Variants in TAGLN3 observed in about 807,000 individuals in gnomAD.
The protein encoded by TAGLN3 is transgelin 3, also known as transgelin-3.
Under a neutral mutation model 25.4 loss-of-function variants are expected in TAGLN3, and 12 were observed. The ratio of observed to expected loss-of-function variants is 0.47; its 90% CI spans 0.30 to 0.77. TAGLN3 has a LOEUF of 0.77. Among genes scored for constraint, TAGLN3 ranks in the 30% least tolerant of loss-of-function variants. The probability of loss-of-function intolerance (pLI) is 0.06; values close to 1 mark genes in which losing one functional copy is unlikely to be tolerated. For synonymous variants in TAGLN3, 96 were observed against 94.8 expected (o/e 1.01, Z -0.08); for missense variants, 218 against 255.8 (o/e 0.85, Z 1.01).
chr3:112,003,916 G>A (rs1240684601), intron 3 of TAGLN3, among the ~76,000 whole-genome samples: 1 of 152,140 alleles, frequency 6.6e-6, no homozygotes, highest in Non-Finnish European at 1.5e-5. Flanking sequence ...TTCTTGTTTA[G>A]GCTTCAATCA....
chr3:112,008,125 C>T (rs2072937427), intron 3 of TAGLN3, among the ~76,000 whole-genome samples: 1 of 152,088 alleles, frequency 6.6e-6, no homozygotes, highest in Non-Finnish European at 1.5e-5. Flanking sequence ...GGAGAATGAC[C>T]TCAAAATGCA....
At chr3:112,009,043 G>A (rs2072948584) in intron 3 of TAGLN3, among the ~76,000 whole-genome samples, 1 of 152,090 alleles carries the variant, frequency 6.6e-6, no homozygotes. Context: ...AGAAAGTAAA[G>A]GTGCCAGGCT....
chr3:112,009,941 A>T (rs576889636), intron 3 of TAGLN3, among the ~76,000 whole-genome samples: 1 of 151,872 alleles, frequency 6.6e-6, no homozygotes, highest in Non-Finnish European at 1.5e-5. Flanking sequence ...CTCTGGGTTC[A>T]TGTAGTAGTC....
intron 1 of TAGLN3, 143 bp downstream of exon 1, chr3:111,999,257 A>T (rs1404350127): frequency 7.0e-6 from 5 of 709,430 alleles, no homozygotes; most frequent in Non-Finnish European, 1.1e-5. Flanking sequence ...GTGAAACCCC[A>T]TTGGCTTCAT....
At chr3:111,999,962 G>A (rs1486308524) in intron 2 of TAGLN3, among the ~76,000 whole-genome samples, 1 of 152,120 alleles carries the variant, frequency 6.6e-6, no homozygotes, top group African/African-American at 2.4e-5. Flanking sequence ...GGATCGTGTT[G>A]GTTACACAGT....
At position 112,013,790 on chromosome 3, in the gene TAGLN3, C is replaced by T. The variant is rs962493220; in HGVS notation, c.*239C>T. ...TCCTGAGCTCCTCGGGCCCCAGAGTCTCTGTTTGATTATTTATTTATTTAT... is the reference window on the plus strand; with the variant it reads ...TCCTGAGCTCCTCGGGCCCCAGAGTTTCTGTTTGATTATTTATTTATTTAT... On this transcript the variant is annotated 3_prime_UTR_variant, in exon 5 of 5. Transcript: ENST00000478951. 1.1e-5 allele frequency: 6 copies of T among 565,616 alleles called. No individual in the cohort carries two copies. In the African/African-American group the frequency reaches 1.2e-4, roughly 11 times the overall value. The allele number at this position is 565,616 out of a possible 1,614,324, so 35.0% of individuals were successfully genotyped here. A position where few individuals can be genotyped will look rare whatever the true frequency, so the allele number is the denominator to read the frequency against.
At chr3:112,008,329 T>C (rs889371848) in intron 3 of TAGLN3, among the ~76,000 whole-genome samples, 8 of 152,176 alleles carry the variant, frequency 5.3e-5, no homozygotes, top group Admixed American at 2.0e-4. Context: ...CTTATTGTTA[T>C]TTAGAGACAG....
chr3:112,001,069 T>C, intron 3 of TAGLN3, 123 bp downstream of exon 3: 1 of 855,868 alleles, frequency 1.2e-6, no homozygotes. Context: ...CTCTCAGCTG[T>C]TATCCTGGGG....
At chr3:112,003,891 G>C (rs561112771) in intron 3 of TAGLN3, among the ~76,000 whole-genome samples, 1 of 152,290 alleles carries the variant, frequency 6.6e-6, no homozygotes, top group African/African-American at 2.4e-5. Flanking sequence ...GAGGAGCCCA[G>C]GCTTGCCAAA....
intron 3 of TAGLN3, among the ~76,000 whole-genome samples, chr3:112,003,547 G>A (rs2072886290): frequency 6.6e-6 from 1 of 152,170 alleles, no homozygotes; most frequent in Admixed American, 6.5e-5. Flanking sequence ...GGGGGTACAT[G>A]TTTGTGCACA....
intron 2 of TAGLN3, among the ~76,000 whole-genome samples, chr3:112,000,034 TG>T (rs1387670257): frequency 7.2e-5 from 11 of 152,302 alleles, no homozygotes; most frequent in Non-Finnish European, 1.0e-4. Context: ...CCATGCACCC[TG>T]GAAGTGTTCA....
intron 3 of TAGLN3, among the ~76,000 whole-genome samples, chr3:112,006,014 C>T (rs1271537608): frequency 2.0e-5 from 3 of 152,042 alleles, no homozygotes; most frequent in African/African-American, 4.8e-5. Context: ...CCACCTCGGC[C>T]TCCCAAAGTG....
chr3:111,999,250 A>G, intron 1 of TAGLN3, 136 bp downstream of exon 1: 1 of 672,868 alleles, frequency 1.5e-6, no homozygotes, highest in South Asian at 2.2e-5. Flanking sequence ...TTTGTAGGTG[A>G]AACCCCATTG....
At chr3:111,999,644 G>T (rs922741612) in intron 2 of TAGLN3, 42 bp downstream of exon 2, 2 of 1,603,158 alleles carry the variant, frequency 1.2e-6, no homozygotes, top group African/African-American at 2.7e-5. Flanking sequence ...CGGTGGGCAG[G>T]GAAACCCTCC....
At chr3:112,005,255 C>T (rs1049081979) in intron 3 of TAGLN3, among the ~76,000 whole-genome samples, 13 of 152,202 alleles carry the variant, frequency 8.5e-5, no homozygotes, top group Non-Finnish European at 1.8e-4. Context: ...CAGTGCCTGG[C>T]TACCAGACAC....
chr3:112,006,738 GC>G (rs1439847266), intron 3 of TAGLN3, among the ~76,000 whole-genome samples: 1 of 151,996 alleles, frequency 6.6e-6, no homozygotes, highest in Non-Finnish European at 1.5e-5. Context: ...TTTTTTCTTT[GC>G]CTTTATCCTT....
At chr3:112,001,009 A>G in intron 3 of TAGLN3, 63 bp downstream of exon 3, 10 of 1,463,618 alleles carry the variant, frequency 6.8e-6, no homozygotes, top group Non-Finnish European at 9.5e-6. Flanking sequence ...ATCTCCTTGT[A>G]AAAACTGCTC....
At chr3:112,011,974 G>C in intron 4 of TAGLN3, 109 bp downstream of exon 4, 1 of 953,688 alleles carries the variant, frequency 1.0e-6, no homozygotes, top group Non-Finnish European at 1.5e-6. Flanking sequence ...CCAGGACCAA[G>C]CACTGCTGTC....
At chr3:112,001,965 C>T (rs1279115555) in intron 3 of TAGLN3, among the ~76,000 whole-genome samples, 4 of 152,222 alleles carry the variant, frequency 2.6e-5, no homozygotes, top group African/African-American at 4.8e-5. Context: ...CCTCCTTAAT[C>T]CTCGGCGTCA....
Sources: allele counts gnomAD v4.1 joint callset (sites outside exome capture counted in the v4.1 genomes callset), GRCh38; gene constraint gnomAD v4.1.1; transcripts MANE v1.5; gene names NCBI Gene and HGNC (gene_info 2026-07-23, HGNC 2026-07-21).